Variants in KCNQ1 observed in about 807,000 individuals in gnomAD.
KCNQ1 encodes the protein potassium voltage-gated channel subfamily Q member 1.
A neutral mutation model predicts 72.4 loss-of-function variants in KCNQ1; 49 were observed. The ratio of observed to expected loss-of-function variants is 0.68; its 90% CI spans 0.54 to 0.86. The LOEUF (loss-of-function observed/expected upper bound fraction) is 0.86, where lower values mean the gene tolerates loss of function less well. KCNQ1 is among the 40% of genes least tolerant of loss of function. The probability of loss-of-function intolerance (pLI) is 0.00; values close to 1 mark genes in which losing one functional copy is unlikely to be tolerated. For missense variants in KCNQ1, 790 were observed against 945.1 expected, an observed-to-expected ratio of 0.84 and a Z score of 2.15; for synonymous variants, 450 against 412.6, an observed-to-expected ratio of 1.09 and a Z score of -1.10.
rs925116251 is a variant in KCNQ1, at chr11:2,497,909, C to A, written c.387-30019C>A. Among the ~76,000 whole-genome samples the A allele has an allele frequency of 6.6e-6, 1 of 152,120 alleles. No homozygotes were observed. The highest frequency in any genetic ancestry group is 1.5e-5 in the Non-Finnish European group (1 of 68,036). ...TGTTGCTTTCTGTTTGCTAGCTTTT[C>A]TTCTAAGAGTCAAGCCTGCAGTCCT... On this transcript the variant is annotated intron_variant, in intron 1 of 15. Transcript: ENST00000155840. The surrounding 1 kb of genome is among the most constrained non-coding windows in gnomAD (Gnocchi z 4.5).
Position 2,563,297 on chromosome 11 carries a change from T to C in KCNQ1, c.478-7331T>C, listed in dbSNP as rs191096598. On this transcript the variant is annotated intron_variant, in intron 2 of 15. Transcript: ENST00000155840. This position sits in a 1 kb window ranked among gnomAD's most constrained non-coding sequence, Gnocchi z 7.4. ...GGAGAACACCGGTTCCACGGCCGGTTGCAACACGTTTGAGCCAAAGTGCGA... is the reference window on the plus strand; with the variant it reads ...GGAGAACACCGGTTCCACGGCCGGTCGCAACACGTTTGAGCCAAAGTGCGA... Among the ~76,000 whole-genome samples, 2 of 152,346 alleles carry C rather than the reference T, an allele frequency of 1.3e-5. No homozygotes were observed. The highest frequency in any genetic ancestry group is 2.4e-5 in the African/African-American group (1 of 41,576).
rs938931471 is a variant in KCNQ1, at chr11:2,516,445, G to A, written c.387-11483G>A. ...GTGGCGGCCAGCTCTGGGGGCACAC[G>A]TTCCTGTTTGAATTCTCAATCTCCG... On this transcript the variant is annotated intron_variant, in intron 1 of 15. Transcript: ENST00000155840. This position sits in a 1 kb window ranked among gnomAD's most constrained non-coding sequence, Gnocchi z 7.0. 2.0e-5 allele frequency among the ~76,000 whole-genome samples: 3 copies of A among 152,104 alleles called. No individual in the cohort carries two copies. The highest frequency in any genetic ancestry group is 2.9e-5 in the Non-Finnish European group (2 of 68,028).
chr11:2,595,083 G>A lies in KCNQ1; in HGVS notation c.1393+6229G>A, dbSNP rs142582737. On this transcript the variant is annotated intron_variant, in intron 10 of 15. Coordinates refer to ENST00000155840, the MANE Select transcript of KCNQ1 (RefSeq NM_000218.3). This position sits in a 1 kb window ranked among gnomAD's most constrained non-coding sequence, Gnocchi z 5.0. ...CCTTCATGATCCATGTTTTAGATAT[G>A]GGATCTTCTAGACAACCTATGCAGT... Among the ~76,000 whole-genome samples, 33 of 152,220 alleles carry A rather than the reference G, an allele frequency of 2.2e-4. No individual in the cohort carries two copies. The highest frequency in any genetic ancestry group is 7.9e-4 in the African/African-American group (33 of 41,530).
rs997329941 is a variant in KCNQ1, at chr11:2,483,159, C to T, written c.386+37675C>T. The stretch of plus-strand genomic sequence containing the variant: ...ACATGCAAAGGTCCTGTGTTGGGAA[C>T]GTGCTTGGTGCATGTGAAGAACTGT... On this transcript the variant is annotated intron_variant, in intron 1 of 15. Transcript: ENST00000155840. The surrounding 1 kb of genome is among the most constrained non-coding windows in gnomAD (Gnocchi z 6.1). Among the ~76,000 whole-genome samples, 14 of 152,042 alleles carry T rather than the reference C, an allele frequency of 9.2e-5. No individual in the cohort carries two copies. The highest frequency in any genetic ancestry group is 9.2e-4 in the Admixed American group (14 of 15,260).
At position 2,541,686 on chromosome 11, in the gene KCNQ1, C is replaced by T. The variant is rs1243330323; in HGVS notation, c.477+13668C>T. On this transcript the variant is annotated intron_variant, in intron 2 of 15. Transcript: ENST00000155840. This position sits in a 1 kb window ranked among gnomAD's most constrained non-coding sequence, Gnocchi z 4.8. The stretch of plus-strand genomic sequence containing the variant: ...CTGCTCAAGTTCTCTTGCTTCATCT[C>T]AGGCTCAGGTGTTTTGAGTTTTTTT... Among the ~76,000 whole-genome samples, 1 of 148,662 alleles carries T rather than the reference C, an allele frequency of 6.7e-6. No individual in the cohort carries two copies. The highest frequency in any genetic ancestry group is 2.5e-5 in the African/African-American group (1 of 39,590).
intron 15 of KCNQ1, among the ~76,000 whole-genome samples, chr11:2,805,651 G>A (rs1413591291): frequency 6.6e-6 from 1 of 152,218 alleles, no homozygotes; most frequent in African/African-American, 2.4e-5. Flanking sequence ...AACGAAGCCA[G>A]AACGATTTAC....
Position 2,816,797 on chromosome 11 carries a change from TC to T in KCNQ1, c.1795-30967del. 6.6e-6 allele frequency among the ~76,000 whole-genome samples: 1 copy of T among 152,038 alleles called. No homozygotes were observed. The highest frequency in any genetic ancestry group is 6.5e-5 in the Admixed American group (1 of 15,286). On this transcript the variant is annotated intron_variant, in intron 15 of 15. Coordinates refer to ENST00000155840, the MANE Select transcript of KCNQ1 (RefSeq NM_000218.3). The surrounding 1 kb of genome is among the most constrained non-coding windows in gnomAD (Gnocchi z 6.8). Reference sequence around the variant, plus strand: ...CCAAAGTCCCCTGCTCAGGAGGCCTTCCCTGAGCCCCTGCCCCCTCCATTTC... The same window carrying T: ...CCAAAGTCCCCTGCTCAGGAGGCCTTCCTGAGCCCCTGCCCCCTCCATTTC...
chr11:2,681,828 C>G, intron 11 of KCNQ1: 1 of 398,534 alleles, frequency 2.5e-6, no homozygotes, highest in Non-Finnish European at 4.4e-6. Context: ...TCATATCATC[C>G]ATGCTCCCCA....
intron 15 of KCNQ1, among the ~76,000 whole-genome samples, chr11:2,807,161 T>G (rs993193838): frequency 3.9e-5 from 6 of 152,204 alleles, no homozygotes; most frequent in African/African-American, 1.4e-4. Flanking sequence ...ATTATTCTCT[T>G]GAGGAAAGAA....
chr11:2,504,968 G>A (rs1847079604), intron 1 of KCNQ1, among the ~76,000 whole-genome samples: 1 of 152,018 alleles, frequency 6.6e-6, no homozygotes, highest in Non-Finnish European at 1.5e-5. Context: ...TTTTCTGTTA[G>A]TAACGCTTTT....
In KCNQ1 at chr11:2,687,312, G is replaced by T; in HGVS notation, c.1514+25231G>T. 1 of 398,676 alleles carries T rather than the reference G, an allele frequency of 2.5e-6. No individual in the cohort carries two copies. Among genetic ancestry groups the T allele is most frequent in the Admixed American group, 4.4e-5 (1 of 22,742 alleles). The allele number at this position is 398,676 out of a possible 1,614,324, so 24.7% of individuals were successfully genotyped here. On this transcript the variant is annotated intron_variant, in intron 11 of 15. Transcript: ENST00000155840. This position sits in a 1 kb window ranked among gnomAD's most constrained non-coding sequence, Gnocchi z 5.0. ...GCTTTGAGATCCCAGGCCTCTCAGG[G>T]CTCTGGCTGAGGGCTGTGAGCCAGA...
At position 2,693,384 on chromosome 11, in the gene KCNQ1, G is replaced by A. The variant is rs868508073; in HGVS notation, c.1514+31303G>A. ...GCCGAGTCTGGCCAAGCAGCAGTGT[G>A]TGGAGCTGGGCCTGGGCCTAAGCTG... On this transcript the variant is annotated intron_variant, in intron 11 of 15. Coordinates refer to ENST00000155840, the MANE Select transcript of KCNQ1 (RefSeq NM_000218.3). 20 of 398,664 alleles carry A rather than the reference G, an allele frequency of 5.0e-5. No individual in the cohort carries two copies. In the South Asian group the frequency reaches 8.9e-4, roughly 18 times the overall value. 24.7% of individuals were successfully genotyped at this position (398,664 alleles called of 1,614,324 possible).
intron 11 of KCNQ1, among the ~76,000 whole-genome samples, chr11:2,737,908 C>T (rs1021341373): frequency 6.6e-6 from 1 of 152,138 alleles, no homozygotes; most frequent in Non-Finnish European, 1.5e-5. Flanking sequence ...GGTTGGTGCC[C>T]CCTGCCCAGG....
chr11:2,603,959 G>A lies in KCNQ1; in HGVS notation c.1393+15105G>A, dbSNP rs139379237. On this transcript the variant is annotated intron_variant, in intron 10 of 15. Coordinates refer to ENST00000155840, the MANE Select transcript of KCNQ1 (RefSeq NM_000218.3). The surrounding 1 kb of genome is among the most constrained non-coding windows in gnomAD (Gnocchi z 4.1). Reference sequence around the variant, plus strand: ...GCCCACCTCGGCCTCCTAACCTGCTGGGACCACAGGCGTGAGCCACTGCAC... The same window carrying A: ...GCCCACCTCGGCCTCCTAACCTGCTAGGACCACAGGCGTGAGCCACTGCAC... Among the ~76,000 whole-genome samples the A allele has an allele frequency of 9.0e-3, 1,374 of 152,134 alleles. 26 individuals carry two copies. Among genetic ancestry groups the A allele is most frequent in the South Asian group, 0.05 (240 of 4,822 alleles).
Position 2,663,597 on chromosome 11 carries a change from T to C in KCNQ1, c.1514+1516T>C. 2.5e-6 allele frequency: 1 copy of C among 398,708 alleles called. No homozygotes were observed. The highest frequency in any genetic ancestry group is 3.6e-5 in the East Asian group (1 of 28,084). The allele number at this position is 398,708 out of a possible 1,614,324, so 24.7% of individuals were successfully genotyped here. ...CTCCTGTTGGAGCTCTCGCTCACCT[T>C]GGTTCTCTTGGTCACGGACCAGCAT... On this transcript the variant is annotated intron_variant, in intron 11 of 15. Transcript: ENST00000155840. The surrounding 1 kb of genome is among the most constrained non-coding windows in gnomAD (Gnocchi z 5.2).
intron 11 of KCNQ1, among the ~76,000 whole-genome samples, chr11:2,751,352 C>T (rs1376418712): frequency 2.0e-5 from 3 of 152,322 alleles, no homozygotes; most frequent in South Asian, 2.1e-4. Flanking sequence ...CAGAAACGGA[C>T]GCCAGCGTTT....
chr11:2,660,564 A>G (rs1169190592), intron 10 of KCNQ1: 1 of 398,670 alleles, frequency 2.5e-6, no homozygotes, highest in Non-Finnish European at 4.4e-6. Context: ...AAAGTGAGCA[A>G]AGGACATGAA....
At position 2,661,800 on chromosome 11, in the gene KCNQ1, C is replaced by T; in HGVS notation, c.1394-161C>T. The stretch of plus-strand genomic sequence containing the variant: ...GCACTTTGGGGCCATCTTAAACACC[C>T]ACCCACCCCAACACCCAACTATAAA... On this transcript the variant is annotated intron_variant, in intron 10 of 15. Transcript: ENST00000155840. This position sits in a 1 kb window ranked among gnomAD's most constrained non-coding sequence, Gnocchi z 5.9. 1.2e-6 allele frequency: 1 copy of T among 816,658 alleles called. No individual in the cohort carries two copies. Among genetic ancestry groups the T allele is most frequent in the Non-Finnish European group, 2.0e-6 (1 of 497,850 alleles). The allele number at this position is 816,658 out of a possible 1,614,324, so 50.6% of individuals were successfully genotyped here. A position where few individuals can be genotyped will look rare whatever the true frequency, so the allele number is the denominator to read the frequency against.
intron 15 of KCNQ1, among the ~76,000 whole-genome samples, chr11:2,838,464 CAG>C (rs1848130960): frequency 6.8e-6 from 1 of 147,830 alleles, no homozygotes. Context: ...CTATGACTGA[CAG>C]GGGTCTGACT....
Sources: gnomAD v4.1 joint callset for allele counts (sites outside exome capture counted in the v4.1 genomes callset) on GRCh38, gnomAD v4.1.1 for gene constraint, Gnocchi (gnomAD v3.1) non-coding constraint, MANE v1.5 for transcripts, NCBI Gene and HGNC (gene_info 2026-07-23, HGNC 2026-07-21) for gene names.